The following CDH12 variants were observed in gnomAD, a reference collection of about 807,000 sequenced individuals.
CDH12 encodes cadherin-12.
CDH12 carries 41 observed loss-of-function variants against 74.1 expected under a neutral mutation model. The observed-to-expected ratio is 0.55, with a 90% CI of 0.43 to 0.72. The LOEUF (loss-of-function observed/expected upper bound fraction) is 0.72. Among genes scored for constraint, CDH12 ranks in the 30% least tolerant of loss-of-function variants. The probability of loss-of-function intolerance (pLI) is 0.00; values close to 1 mark genes in which losing one functional copy is unlikely to be tolerated. For missense variants in CDH12, 945 were observed against 977.2 expected (o/e 0.97, Z 0.44); for synonymous variants, 399 against 355.0 (o/e 1.12, Z -1.39).
intron 1 of CDH12, among the ~76,000 whole-genome samples, chr5:22,626,247 G>A (rs564821707): frequency 2.8e-4 from 42 of 152,252 alleles, no homozygotes; most frequent in South Asian, 8.3e-4. Context: ...CTGACAGAGC[G>A]CACCCTGATG....
At position 22,747,904 on chromosome 5, in the gene CDH12, A is replaced by T. The variant is rs1048455638; in HGVS notation, c.-523+105154T>A. On this transcript the variant is annotated intron_variant, in intron 1 of 14. Transcript: ENST00000382254. ...GTGTGCTTGCACTTTTCAAATTCTT[A>T]TATTCTGGTAATTCAAGAAATGCTA... 4.1e-4 allele frequency among the ~76,000 whole-genome samples: 62 copies of T among 152,182 alleles called. 1 individual carries two copies. Among genetic ancestry groups the T allele is most frequent in the African/African-American group, 1.5e-3 (61 of 41,448 alleles).
At chr5:22,472,041 C>A (rs1404677775) in intron 2 of CDH12, among the ~76,000 whole-genome samples, 2 of 152,116 alleles carry the variant, frequency 1.3e-5, no homozygotes, top group African/African-American at 2.4e-5. Flanking sequence ...TAAGGGAATT[C>A]TTTCTAAACC....
chr5:22,709,108 G>A (rs938654544), intron 1 of CDH12, among the ~76,000 whole-genome samples: 1 of 152,164 alleles, frequency 6.6e-6, no homozygotes, highest in Admixed American at 6.5e-5. Context: ...AATCAAGACA[G>A]TTGCAGTCTC....
At chr5:22,415,908 T>TA (rs1284686088) in intron 2 of CDH12, among the ~76,000 whole-genome samples, 1,448 of 143,008 alleles carry the variant, frequency 0.01, 18 homozygotes, top group African/African-American at 0.032. Context: ...AACAAAACAA[T>TA]AAAAAAAAAA....
intron 1 of CDH12, among the ~76,000 whole-genome samples, chr5:22,828,942 A>AT (rs1736459548): frequency 6.6e-6 from 1 of 152,144 alleles, no homozygotes; most frequent in Non-Finnish European, 1.5e-5. Flanking sequence ...AAAAGTTATT[A>AT]TTTTCTATAT....
intron 5 of CDH12, among the ~76,000 whole-genome samples, chr5:22,045,405 T>A (rs1179461096): frequency 1.3e-5 from 2 of 152,136 alleles, no homozygotes; most frequent in African/African-American, 4.8e-5. Flanking sequence ...AAAATAGAAC[T>A]ATTATATGAT....
intron 1 of CDH12, among the ~76,000 whole-genome samples, chr5:22,728,755 G>A (rs935974086): frequency 4.0e-5 from 6 of 151,824 alleles, no homozygotes; most frequent in African/African-American, 7.2e-5. Flanking sequence ...CTCACGTGGC[G>A]GAGAGCAGAG....
At chr5:22,791,917 G>A (rs1271687341) in intron 1 of CDH12, among the ~76,000 whole-genome samples, 5 of 152,124 alleles carry the variant, frequency 3.3e-5, no homozygotes, top group African/African-American at 1.2e-4. Flanking sequence ...TGAGATTTGG[G>A]TGGGCACACA....
At chr5:21,897,521 C>T (rs1007375327) in intron 6 of CDH12, among the ~76,000 whole-genome samples, 6 of 152,162 alleles carry the variant, frequency 3.9e-5, no homozygotes, top group African/African-American at 1.4e-4. Flanking sequence ...CCATATTCTT[C>T]AGAGTTTCTG....
At chr5:22,265,023 AT>A (rs955558827) in intron 3 of CDH12, among the ~76,000 whole-genome samples, 7 of 152,190 alleles carry the variant, frequency 4.6e-5, no homozygotes, top group African/African-American at 1.7e-4. Context: ...TTTTCTCTAA[AT>A]AAGTTTTTGT....
intron 6 of CDH12, among the ~76,000 whole-genome samples, chr5:21,934,672 A>G (rs148361111): frequency 1.1e-3 from 161 of 152,334 alleles, no homozygotes; most frequent in African/African-American, 3.6e-3. Context: ...TATGTATACC[A>G]TAAGGAAGCA....
intron 2 of CDH12, among the ~76,000 whole-genome samples, chr5:22,428,721 AG>A (rs2126515082): frequency 6.6e-6 from 1 of 152,334 alleles, no homozygotes; most frequent in African/African-American, 2.4e-5. Flanking sequence ...AAAAGTGGAA[AG>A]CAGGTCTAAC....
intron 3 of CDH12, among the ~76,000 whole-genome samples, chr5:22,279,357 T>G: frequency 6.6e-6 from 1 of 152,304 alleles, no homozygotes; most frequent in East Asian, 1.9e-4. Flanking sequence ...AAAAATGTAG[T>G]TAGAAAATTA....
At chr5:22,171,662 T>G (rs1749037398) in intron 4 of CDH12, among the ~76,000 whole-genome samples, 1 of 151,960 alleles carries the variant, frequency 6.6e-6, no homozygotes, top group Admixed American at 6.6e-5. Context: ...ATAAATGCCT[T>G]GGCTGAGGCC....
chr5:21,973,526 T>C (rs1200818110), intron 6 of CDH12, among the ~76,000 whole-genome samples: 1 of 152,164 alleles, frequency 6.6e-6, no homozygotes, highest in Non-Finnish European at 1.5e-5. Context: ...TTATTATAGT[T>C]GGCACAAGAA....
At chr5:21,912,288 G>T (rs1038003197) in intron 6 of CDH12, among the ~76,000 whole-genome samples, 2 of 151,804 alleles carry the variant, frequency 1.3e-5, no homozygotes, top group African/African-American at 2.4e-5. Context: ...GAATGGAAAT[G>T]GACTGGAAAA....
chr5:21,833,279 G>GTTATATAACATATAATATATATTATATA (rs1749280711), intron 8 of CDH12, among the ~76,000 whole-genome samples: 2 of 35,804 alleles, frequency 5.6e-5, no homozygotes, highest in Non-Finnish European at 7.8e-5. Flanking sequence ...TATATTATAT[G>GTTATATAACATATAATATATATTATATA]TTATATAACA....
Position 21,889,620 on chromosome 5 carries a change from G to A in CDH12, c.527-34830C>T, listed in dbSNP as rs116787650. On this transcript the variant is annotated intron_variant, in intron 6 of 14. Coordinates refer to ENST00000382254, the MANE Select transcript of CDH12 (RefSeq NM_004061.5). ...CTCTTTCCAGTCTGTGTTCGCATGT[G>A]TGTGGCTTTGATAACACAGCTTTCC... 988 of 985,316 alleles carry A rather than the reference G, an allele frequency of 1.0e-3. 6 individuals are homozygous for A. In the African/African-American group the frequency reaches 0.016, roughly 16 times the overall value. 61.0% of individuals were successfully genotyped at this position (985,316 alleles called of 1,614,324 possible).
At chr5:22,111,843 A>T (rs771274744) in intron 4 of CDH12, among the ~76,000 whole-genome samples, 3 of 152,196 alleles carry the variant, frequency 2.0e-5, no homozygotes, top group Non-Finnish European at 2.9e-5. Context: ...ATGTATACAT[A>T]CACGGGTACT....
Sources: allele counts gnomAD v4.1 joint callset (sites outside exome capture counted in the v4.1 genomes callset), GRCh38; gene constraint gnomAD v4.1.1; transcripts MANE v1.5; gene names NCBI Gene and HGNC (gene_info 2026-07-23, HGNC 2026-07-21).